The following INVS variants were observed in gnomAD, a reference collection of about 807,000 sequenced individuals.
INVS encodes the protein inversin.
In INVS, 86 loss-of-function variants were observed where a neutral mutation model predicts 108.8. The ratio of observed to expected loss-of-function variants is 0.79; its 90% CI spans 0.66 to 0.95. The LOEUF (loss-of-function observed/expected upper bound fraction) is 0.95. Ranked by LOEUF, INVS falls within the 40% of genes least tolerant of loss-of-function variation. The pLI is 0.00. For missense variants in INVS, 1,169 were observed against 1,297.4 expected, an observed-to-expected ratio of 0.90 and a Z score of 1.52; for synonymous variants, 455 against 473.5, an observed-to-expected ratio of 0.96 and a Z score of 0.51.
intron 11 of INVS, among the ~76,000 whole-genome samples, chr9:100,266,372 T>C (rs772061054): frequency 2.0e-5 from 3 of 152,218 alleles, no homozygotes; most frequent in Admixed American, 6.5e-5. Context: ...CCTTGAGGGC[T>C]GCTGGTTACC....
chr9:100,121,864 C>G (rs1827734645), intron 2 of INVS, among the ~76,000 whole-genome samples: 1 of 152,042 alleles, frequency 6.6e-6, no homozygotes, highest in South Asian at 2.1e-4. Context: ...CTAAGCTTCC[C>G]TCATGTGTGG....
intron 3 of INVS, among the ~76,000 whole-genome samples, chr9:100,185,035 A>G (rs950847035): frequency 6.6e-6 from 1 of 152,172 alleles, no homozygotes; most frequent in South Asian, 2.1e-4. Flanking sequence ...AGATGTAAAT[A>G]GATGTTGGTG....
chr9:100,300,844 GCT>G lies in INVS; in HGVS notation c.*173_*174del, dbSNP rs1162555360. 3 of 650,042 alleles carry G rather than the reference GCT, an allele frequency of 4.6e-6. No homozygotes were observed. Among genetic ancestry groups the G allele is most frequent in the Non-Finnish European group, 8.3e-6 (3 of 361,746 alleles). The allele number at this position is 650,042 out of a possible 1,614,324, so 40.3% of individuals were successfully genotyped here. ...GAAAATGTCAGAATGTTTCCTTTCT[GCT>G]CTTACACAGCATTGTTTTGTCAATC... On this transcript the variant is annotated 3_prime_UTR_variant, in exon 17 of 17. Coordinates refer to ENST00000262457, the MANE Select transcript of INVS (RefSeq NM_014425.5).
rs979691345 is a variant in INVS at position 100,270,687 on chromosome 9, G to A, written c.1572-2177G>A. Among the ~76,000 whole-genome samples, 5 of 148,248 alleles carry A rather than the reference G, an allele frequency of 3.4e-5. No individual in the cohort carries two copies. The Admixed American group carries it at 3.4e-4, about 10-fold the overall frequency. Reference sequence around the variant, plus strand: ...TGCTTGAACCTGGGAGGCGGAGATTGCAGTGAGCTGAGATCGCGTCATTGC... The same window carrying A: ...TGCTTGAACCTGGGAGGCGGAGATTACAGTGAGCTGAGATCGCGTCATTGC... On this transcript the variant is annotated intron_variant, in intron 11 of 16. Coordinates refer to ENST00000262457, the MANE Select transcript of INVS (RefSeq NM_014425.5).
intron 7 of INVS, among the ~76,000 whole-genome samples, chr9:100,246,021 C>T (rs767523608): frequency 1.1e-4 from 16 of 151,700 alleles, no homozygotes; most frequent in Admixed American, 8.5e-4. Flanking sequence ...AAAAATTAGC[C>T]GGGTGTGATG....
At chr9:100,233,639 T>C (rs1247495110) in intron 5 of INVS, among the ~76,000 whole-genome samples, 1 of 152,218 alleles carries the variant, frequency 6.6e-6, no homozygotes, top group African/African-American at 2.4e-5. Flanking sequence ...ATGTGGTTTT[T>C]GTCATTGGTT....
Position 100,104,627 on chromosome 9 carries a change from G to A in INVS, c.106G>A (p.Gly36Arg). 1 of 1,602,488 alleles carries A rather than the reference G, an allele frequency of 6.2e-7. No homozygotes were observed. The highest frequency in any genetic ancestry group is 8.6e-7 in the Non-Finnish European group (1 of 1,169,424). The change falls in exon 2 of 17, where the codon GGA becomes AGA. Residue 36 changes from glycine to arginine, a missense_variant and splice_region_variant. Transcript: ENST00000262457. ...GGGTGCTCTACAGAGGCTCATCGTA[G>A]GTAAGCAGTCCCCTTAAGTACAGAA... ...DKGALQRLIV[G>R]NSALKDKEDQ...
intron 3 of INVS, among the ~76,000 whole-genome samples, chr9:100,163,779 G>A (rs756580382): frequency 4.6e-5 from 7 of 152,152 alleles, no homozygotes; most frequent in Non-Finnish European, 8.8e-5. Flanking sequence ...AAATGGGCAC[G>A]TGCTTTGTAT....
chr9:100,164,424 C>A (rs934779066), intron 3 of INVS, among the ~76,000 whole-genome samples: 1 of 151,856 alleles, frequency 6.6e-6, no homozygotes, highest in Non-Finnish European at 1.5e-5. Context: ...TTTTAAGCCT[C>A]ATTTTTTAAA....
At chr9:100,248,636 G>A (rs1006370132) in intron 8 of INVS, among the ~76,000 whole-genome samples, 5 of 152,068 alleles carry the variant, frequency 3.3e-5, no homozygotes, top group Admixed American at 6.6e-5. Flanking sequence ...TTTTTTAGGC[G>A]TGATAACAGC....
chr9:100,124,304 A>G, intron 2 of INVS, among the ~76,000 whole-genome samples: 1 of 151,992 alleles, frequency 6.6e-6, no homozygotes, highest in Middle Eastern at 3.4e-3. Flanking sequence ...CCTTATCACT[A>G]ATTAGGTCCC....
chr9:100,211,206 CT>C (rs1185096311), intron 3 of INVS, among the ~76,000 whole-genome samples: 2 of 152,040 alleles, frequency 1.3e-5, no homozygotes, highest in Non-Finnish European at 2.9e-5. Context: ...ACCAAATATA[CT>C]TTATAATCAT....
intron 2 of INVS, among the ~76,000 whole-genome samples, chr9:100,108,714 G>A (rs1025869350): frequency 2.0e-5 from 3 of 152,058 alleles, no homozygotes; most frequent in Non-Finnish European, 4.4e-5. Context: ...CTGTTTCCAT[G>A]GAGAAGTATG....
At chr9:100,208,266 T>C (rs1163204108) in intron 3 of INVS, among the ~76,000 whole-genome samples, 1 of 152,222 alleles carries the variant, frequency 6.6e-6, no homozygotes, top group African/African-American at 2.4e-5. Flanking sequence ...GATACAATTT[T>C]GAATTCAAGC....
At position 100,301,203 on chromosome 9, in the gene INVS, A is replaced by G. The variant is rs563968325; in HGVS notation, c.*529A>G. On this transcript the variant is annotated 3_prime_UTR_variant, in exon 17 of 17. Coordinates refer to ENST00000262457, the MANE Select transcript of INVS (RefSeq NM_014425.5). ...CATATCACGTCCCACTATTACTTCA[A>G]AATTAATCAGGTTTAAATTTTAGAT... Among the ~76,000 whole-genome samples, 2 of 151,546 alleles carry G rather than the reference A, an allele frequency of 1.3e-5. No individual in the cohort carries two copies. The highest frequency in any genetic ancestry group is 2.1e-4 in the South Asian group (1 of 4,802).
chr9:100,164,522 C>T (rs1352568606), intron 3 of INVS, among the ~76,000 whole-genome samples: 1 of 152,060 alleles, frequency 6.6e-6, no homozygotes, highest in Non-Finnish European at 1.5e-5. Context: ...TCAGTAATTA[C>T]CAGGTCATGC....
chr9:100,105,585 CCTTACTT>C (rs1289972295), intron 2 of INVS, among the ~76,000 whole-genome samples: 1 of 152,128 alleles, frequency 6.6e-6, no homozygotes, highest in Non-Finnish European at 1.5e-5. Context: ...CTCTGCTTAT[CCTTACTT>C]TACCTCAGCT....
chr9:100,126,560 A>T lies in INVS; in HGVS notation c.273+11A>T. 4 of 1,613,982 alleles carry T rather than the reference A, an allele frequency of 2.5e-6. No homozygotes were observed. The highest frequency in any genetic ancestry group is 3.4e-6 in the Non-Finnish European group (4 of 1,179,866). ...CTTGCAGCCCAGAAGGTGAGAAGTA[A>T]AATTTCCTTGAAGAGTAAATGTTTT... is the stretch of plus-strand genomic sequence containing the variant. On this transcript the variant is annotated intron_variant, in intron 3 of 16. Transcript: ENST00000262457.
At chr9:100,129,453 A>G (rs1827989381) in intron 3 of INVS, among the ~76,000 whole-genome samples, 1 of 152,072 alleles carries the variant, frequency 6.6e-6, no homozygotes, top group African/African-American at 2.4e-5. Context: ...AGATCATACC[A>G]CTGTATTTCA....
Sources: allele counts gnomAD v4.1 joint callset (sites outside exome capture counted in the v4.1 genomes callset), GRCh38; gene constraint gnomAD v4.1.1; transcripts MANE v1.5; gene names NCBI Gene and HGNC (gene_info 2026-07-23, HGNC 2026-07-21).